CDC42BPA: variants seen among roughly 807,000 people sequenced by gnomAD.
CDC42BPA encodes serine/threonine-protein kinase MRCK alpha.
In CDC42BPA, 80 loss-of-function variants were observed where a neutral mutation model predicts 223.5. The observed-to-expected ratio is 0.36, with a 90% CI of 0.30 to 0.43. The LOEUF (loss-of-function observed/expected upper bound fraction) is 0.43, where lower values mean the gene tolerates loss of function less well. CDC42BPA is among the 20% of genes least tolerant of loss of function. The probability of loss-of-function intolerance (pLI) is 1.00; values close to 1 mark genes in which losing one functional copy is unlikely to be tolerated. For missense variants in CDC42BPA, 1,743 were observed against 2,099.9 expected (o/e 0.83, Z 3.32); for synonymous variants, 694 against 718.6 (o/e 0.97, Z 0.55).
At chr1:227,264,976 G>T in intron 1 of CDC42BPA, 1 of 903,676 alleles carries the variant, frequency 1.1e-6, no homozygotes, top group Non-Finnish European at 1.9e-6. Context: ...CCTCATTTGG[G>T]CAGTGCTGCT....
chr1:227,062,997 A>G (rs1415495239), intron 21 of CDC42BPA, among the ~76,000 whole-genome samples: 2 of 152,152 alleles, frequency 1.3e-5, no homozygotes, highest in African/African-American at 2.4e-5. Flanking sequence ...AGGACAATAC[A>G]TTTTCTAAGC....
chr1:227,294,809 G>A (rs367858770), intron 1 of CDC42BPA, among the ~76,000 whole-genome samples: 2 of 59,728 alleles, frequency 3.3e-5, no homozygotes, highest in South Asian at 5.2e-4. Flanking sequence ...GCAGTGAGCC[G>A]AGATCGCGCC....
chr1:227,220,859 A>T (rs1353035192), intron 2 of CDC42BPA, among the ~76,000 whole-genome samples: 1 of 152,062 alleles, frequency 6.6e-6, no homozygotes, highest in African/African-American at 2.4e-5. Context: ...ACCATTCCCC[A>T]TCCAAGAACA....
At chr1:227,160,417 C>T (rs1663663295) in intron 6 of CDC42BPA, 126 bp downstream of exon 6, 7 of 701,452 alleles carry the variant, frequency 1.0e-5, no homozygotes, top group South Asian at 5.0e-5. Flanking sequence ...AAGGAGGTGG[C>T]GCATAGATAG....
chr1:227,069,977 A>G (rs552226905), intron 20 of CDC42BPA, 124 bp from the exon 21 acceptor site: 2 of 558,892 alleles, frequency 3.6e-6, no homozygotes, highest in African/African-American at 1.9e-5. Flanking sequence ...GTTGATCACT[A>G]TAATTAACTC....
At chr1:227,022,799 C>A (rs956942234) in intron 32 of CDC42BPA, among the ~76,000 whole-genome samples, 2 of 152,172 alleles carry the variant, frequency 1.3e-5, no homozygotes, top group African/African-American at 4.8e-5. Flanking sequence ...CAGGCACTCC[C>A]ATGACTCTCC....
intron 1 of CDC42BPA, among the ~76,000 whole-genome samples, chr1:227,268,313 A>G (rs982822958): frequency 2.0e-5 from 3 of 152,158 alleles, no homozygotes; most frequent in African/African-American, 4.8e-5. Context: ...TCACAAAGCC[A>G]AAGTATTTAT....
intron 5 of CDC42BPA, among the ~76,000 whole-genome samples, chr1:227,189,724 C>T (rs1476210753): frequency 2.6e-5 from 4 of 152,008 alleles, no homozygotes; most frequent in African/African-American, 4.8e-5. Flanking sequence ...TTTTCATATG[C>T]GAGTTTTTGT....
intron 5 of CDC42BPA, among the ~76,000 whole-genome samples, chr1:227,193,056 G>A (rs1669978439): frequency 6.8e-6 from 1 of 147,212 alleles, no homozygotes; most frequent in South Asian, 2.2e-4. Flanking sequence ...CTGACTGGAA[G>A]TGAGAACTTT....
chr1:227,268,599 G>T (rs73098317), intron 1 of CDC42BPA, among the ~76,000 whole-genome samples: 6 of 117,396 alleles, frequency 5.1e-5, no homozygotes, highest in Admixed American at 2.2e-4. Context: ...TGTATATATA[G>T]TGTGTGTATA....
chr1:227,300,111 A>AAG (rs1462238570), intron 1 of CDC42BPA, among the ~76,000 whole-genome samples: 1 of 152,200 alleles, frequency 6.6e-6, no homozygotes, highest in Non-Finnish European at 1.5e-5. Context: ...AATTCATTAC[A>AAG]AGAGGAATTT....
At chr1:227,189,504 AC>A (rs1669368169) in intron 5 of CDC42BPA, among the ~76,000 whole-genome samples, 1 of 152,126 alleles carries the variant, frequency 6.6e-6, no homozygotes, top group South Asian at 2.1e-4. Flanking sequence ...ATTTCATCTC[AC>A]CTTCCCAATA....
In CDC42BPA at chr1:226,994,985, A is replaced by G. The variant is rs1296429588; in HGVS notation, c.4976-5T>C. On this transcript the variant is annotated splice_polypyrimidine_tract_variant and splice_region_variant and intron_variant, in intron 35 of 36. Coordinates refer to ENST00000366766, the MANE Select transcript of CDC42BPA (RefSeq NM_001394014.1). The surrounding 1 kb of genome is among the most constrained non-coding windows in gnomAD (Gnocchi z 4.0). ...TGCCATTCTGTGCGGATGACCCTAC[A>G]GTACATCATGCAGGCAAAATTTTAC... is the stretch of plus-strand genomic sequence containing the variant. The G allele has an allele frequency of 1.2e-6, 2 of 1,611,118 alleles. No individual in the cohort carries two copies. Among genetic ancestry groups the G allele is most frequent in the African/African-American group, 1.3e-5 (1 of 74,812 alleles).
chr1:227,144,673 T>C lies in CDC42BPA; in HGVS notation c.1143+816A>G, dbSNP rs572245227. Among the ~76,000 whole-genome samples, 4 of 148,792 alleles carry C rather than the reference T, an allele frequency of 2.7e-5. No individual in the cohort carries two copies. In the South Asian group the frequency reaches 8.7e-4, roughly 32 times the overall value. On this transcript the variant is annotated intron_variant, in intron 8 of 36. Transcript: ENST00000366766. ...TATTTTCCTAAATTTTAATCTCATATAACCTAAAGGGTTATAGCAGAGGTC... is the reference window on the plus strand; with the variant it reads ...TATTTTCCTAAATTTTAATCTCATACAACCTAAAGGGTTATAGCAGAGGTC...
chr1:227,043,413 A>C (rs1213890890), intron 23 of CDC42BPA, among the ~76,000 whole-genome samples: 5 of 16,568 alleles, frequency 3.0e-4, no homozygotes, highest in African/African-American at 7.6e-4. Flanking sequence ...CTTCGTCTCA[A>C]AAAAAAAAAA....
intron 17 of CDC42BPA, among the ~76,000 whole-genome samples, chr1:227,079,417 GA>G (rs1680178037): frequency 6.6e-6 from 1 of 151,890 alleles, no homozygotes; most frequent in Admixed American, 6.6e-5. Context: ...CCAGACACTT[GA>G]AAAAATCAGT....
intron 5 of CDC42BPA, among the ~76,000 whole-genome samples, chr1:227,165,085 A>G (rs1221240593): frequency 6.6e-6 from 1 of 152,202 alleles, no homozygotes; most frequent in South Asian, 2.1e-4. Flanking sequence ...ACTATGCACT[A>G]TAGGAGTACA....
chr1:227,282,998 TTATA>T (rs113568561), intron 1 of CDC42BPA, among the ~76,000 whole-genome samples: 22,745 of 152,140 alleles, frequency 0.15, 2,045 homozygotes, highest in African/African-American at 0.24. Context: ...AAATTTTATG[TTATA>T]TATATTTTAA....
chr1:227,108,367 A>C (rs1686287164), intron 14 of CDC42BPA, among the ~76,000 whole-genome samples: 1 of 151,278 alleles, frequency 6.6e-6, no homozygotes, highest in African/African-American at 2.4e-5. Context: ...TGGTTGCTTA[A>C]GAGTGTGTTC....
Sources: gnomAD v4.1 joint callset for allele counts (sites outside exome capture counted in the v4.1 genomes callset) on GRCh38, gnomAD v4.1.1 for gene constraint, Gnocchi (gnomAD v3.1) non-coding constraint, MANE v1.5 for transcripts, NCBI Gene and HGNC (gene_info 2026-07-23, HGNC 2026-07-21) for gene names.